Variants in RAI14 observed in about 807,000 individuals in gnomAD.
RAI14 encodes the protein retinoic acid induced 14.
A neutral mutation model predicts 115.4 loss-of-function variants in RAI14; 45 were observed. The ratio of observed to expected loss-of-function variants is 0.39; its 90% CI spans 0.31 to 0.50. RAI14 has a LOEUF of 0.50. RAI14 is among the 20% of genes least tolerant of loss of function. The probability of loss-of-function intolerance (pLI) is 0.85; values close to 1 mark genes in which losing one functional copy is unlikely to be tolerated. For synonymous variants in RAI14, 371 were observed against 415.4 expected (o/e 0.89, Z 1.30); for missense variants, 939 against 1,131.2 (o/e 0.83, Z 2.44).
chr5:34,691,352 T>C (rs1561242792), intron 2 of RAI14, among the ~76,000 whole-genome samples: 1 of 152,230 alleles, frequency 6.6e-6, no homozygotes. Flanking sequence ...ATGGATAGAT[T>C]GACTTTTATG....
intron 12 of RAI14, among the ~76,000 whole-genome samples, chr5:34,815,542 G>A (rs1256623485): frequency 5.9e-5 from 9 of 152,172 alleles, no homozygotes; most frequent in African/African-American, 1.7e-4. Flanking sequence ...CAGCATGGGC[G>A]ACAGAGCGAG....
At chr5:34,801,257 C>A (rs886326805) in intron 4 of RAI14, among the ~76,000 whole-genome samples, 3 of 152,280 alleles carry the variant, frequency 2.0e-5, no homozygotes, top group Admixed American at 1.3e-4. Context: ...AACTCTCCCC[C>A]ACACCTACCC....
At position 34,752,701 on chromosome 5, in the gene RAI14, ATATGTGTGTGTGTGTGTGTGTGTG is replaced by A. The variant is rs768988202; in HGVS notation, c.37-4765_37-4742del. Among the ~76,000 whole-genome samples the A allele has an allele frequency of 3.7e-3, 332 of 90,058 alleles. 32 individuals carry two copies. The highest frequency in any genetic ancestry group is 6.5e-3 in the African/African-American group (127 of 19,546). The allele number at this position is 90,058 out of a possible 152,430, so 59.1% of individuals were successfully genotyped here. ...TAAGAAATATCTATATTTCTTACAT[ATATGTGTGTGTGTGTGTGTGTGTG>A]TGTGTGTGTGTGTGTGTGTGTGTGT... On this transcript the variant is annotated intron_variant, in intron 2 of 17. Coordinates refer to ENST00000265109, the MANE Select transcript of RAI14 (RefSeq NM_015577.3).
At chr5:34,741,776 G>A (rs1745548206) in intron 2 of RAI14, among the ~76,000 whole-genome samples, 1 of 152,196 alleles carries the variant, frequency 6.6e-6, no homozygotes, top group South Asian at 2.1e-4. Context: ...AGCCACAGCA[G>A]TGGACAAGAG....
At chr5:34,771,035 T>C (rs900518313) in intron 3 of RAI14, among the ~76,000 whole-genome samples, 1 of 152,196 alleles carries the variant, frequency 6.6e-6, no homozygotes, top group Non-Finnish European at 1.5e-5. Flanking sequence ...TTTGAGTCTC[T>C]TCCTGATCAC....
At chr5:34,735,573 T>C (rs528853540) in intron 2 of RAI14, among the ~76,000 whole-genome samples, 1 of 152,368 alleles carries the variant, frequency 6.6e-6, no homozygotes, top group Non-Finnish European at 1.5e-5. Flanking sequence ...GAAAAGTGCC[T>C]TTCTTACAAC....
intron 2 of RAI14, among the ~76,000 whole-genome samples, chr5:34,704,269 A>C (rs911112996): frequency 6.6e-6 from 1 of 152,248 alleles, no homozygotes; most frequent in Admixed American, 6.5e-5. Context: ...AATAATTTAC[A>C]GATTATGGCA....
Position 34,823,142 on chromosome 5 carries a change from C to T in RAI14, c.1300C>T (p.Leu434=). 6.2e-7 allele frequency: 1 copy of T among 1,612,948 alleles called. No homozygotes were observed. Among genetic ancestry groups the T allele is most frequent in the Non-Finnish European group, 8.5e-7 (1 of 1,178,970 alleles). ...TTDNDVRIQQ[L]QEILQDLQKR... ...TGACAATGATGTCAGAATTCAGCAA[C>T]TGCAAGAGATTTTGCAAGATCTACA... is the stretch of plus-strand genomic sequence containing the variant. The change falls in exon 15 of 18, where the codon CTG becomes TTG. Residue 434 remains leucine (L), a synonymous_variant. Transcript: ENST00000265109. This position sits in a 1 kb window ranked among gnomAD's most constrained non-coding sequence, Gnocchi z 4.5.
rs1469102 is a variant in RAI14 at position 34,704,144 on chromosome 5, C to A, written c.36+17189C>A. Among the ~76,000 whole-genome samples, 4 of 152,328 alleles carry A rather than the reference C, an allele frequency of 2.6e-5. No individual in the cohort carries two copies. The South Asian group carries it at 8.3e-4, about 32-fold the overall frequency. On this transcript the variant is annotated intron_variant, in intron 2 of 17. Transcript: ENST00000265109. ...AGTTTGAGGTCTAATCCGGCTCAGT[C>A]GTTGCCAGCCCTCATTACAATACCA...
At chr5:34,688,269 G>T (rs746018200) in intron 2 of RAI14, 1 of 1,535,708 alleles carries the variant, frequency 6.5e-7, no homozygotes, top group South Asian at 1.2e-5. Flanking sequence ...GGAAAATGTT[G>T]CCCAATTCAG....
intron 3 of RAI14, among the ~76,000 whole-genome samples, chr5:34,780,934 G>A (rs1444037685): frequency 2.0e-5 from 3 of 151,958 alleles, no homozygotes; most frequent in Non-Finnish European, 2.9e-5. Flanking sequence ...TGTTTATTGC[G>A]GCACTATTCA....
At chr5:34,668,859 G>C (rs534875267) in intron 1 of RAI14, among the ~76,000 whole-genome samples, 1 of 151,642 alleles carries the variant, frequency 6.6e-6, no homozygotes, top group Non-Finnish European at 1.5e-5. Context: ...AGGTAATTAG[G>C]TTCTTTTTTT....
intron 1 of RAI14, among the ~76,000 whole-genome samples, chr5:34,672,373 G>A (rs1247569852): frequency 6.6e-6 from 1 of 152,146 alleles, no homozygotes; most frequent in Non-Finnish European, 1.5e-5. Flanking sequence ...GTAGGTTTGT[G>A]GATATGTGTG....
chr5:34,783,161 G>T (rs979315185), intron 3 of RAI14, among the ~76,000 whole-genome samples: 2 of 152,222 alleles, frequency 1.3e-5, no homozygotes, highest in Admixed American at 6.5e-5. Flanking sequence ...TCAAGGCAGT[G>T]GTGATCACTG....
intron 2 of RAI14, among the ~76,000 whole-genome samples, chr5:34,743,864 C>G (rs2150053643): frequency 6.6e-6 from 1 of 152,328 alleles, no homozygotes; most frequent in East Asian, 1.9e-4. Flanking sequence ...ACTTGAAGGA[C>G]TGTTTCCATG....
intron 12 of RAI14, among the ~76,000 whole-genome samples, chr5:34,815,549 C>T (rs548968486): frequency 1.3e-5 from 2 of 152,114 alleles, no homozygotes; most frequent in South Asian, 4.2e-4. Context: ...GGCGACAGAG[C>T]GAGTGTCTTG....
At chr5:34,744,922 T>G (rs565583761) in intron 2 of RAI14, among the ~76,000 whole-genome samples, 1 of 152,346 alleles carries the variant, frequency 6.6e-6, no homozygotes, top group African/African-American at 2.4e-5. Flanking sequence ...CTGGCAATCT[T>G]TGGTGTTCCT....
At chr5:34,721,165 G>T (rs1396717221) in intron 2 of RAI14, among the ~76,000 whole-genome samples, 3 of 151,304 alleles carry the variant, frequency 2.0e-5, no homozygotes, top group Admixed American at 2.0e-4. Flanking sequence ...CCTGTCTTCT[G>T]TAAGGTCTTC....
intron 2 of RAI14, among the ~76,000 whole-genome samples, chr5:34,722,048 G>A (rs1580021586): frequency 6.6e-6 from 1 of 152,000 alleles, no homozygotes; most frequent in Non-Finnish European, 1.5e-5. Context: ...GAAGAGAGCT[G>A]TTCTTTTGGT....
Sources: allele counts gnomAD v4.1 joint callset (sites outside exome capture counted in the v4.1 genomes callset), GRCh38; gene constraint gnomAD v4.1.1; non-coding constraint Gnocchi (gnomAD v3.1); transcripts MANE v1.5; gene names NCBI Gene and HGNC (gene_info 2026-07-23, HGNC 2026-07-21).